HDHD2: variants seen among roughly 807,000 people sequenced by gnomAD.
HDHD2 encodes the protein haloacid dehalogenase like hydrolase domain containing 2.
A neutral mutation model predicts 24.8 loss-of-function variants in HDHD2; 26 were observed. The ratio of observed to expected loss-of-function variants is 1.05; its 90% CI spans 0.77 to 1.45. HDHD2 has a LOEUF of 1.45. Ranked by LOEUF, HDHD2 falls within the 40% of genes most tolerant of loss-of-function variation. The probability of loss-of-function intolerance (pLI) is 0.00; values close to 1 mark genes in which losing one functional copy is unlikely to be tolerated. For missense variants in HDHD2, 299 were observed against 313.4 expected, an observed-to-expected ratio of 0.95 and a Z score of 0.35; for synonymous variants, 128 against 114.9, an observed-to-expected ratio of 1.11 and a Z score of -0.73.
intron 5 of HDHD2, 116 bp downstream of exon 5, chr18:47,115,016 A>G: frequency 4.2e-6 from 3 of 711,372 alleles, no homozygotes; most frequent in South Asian, 3.5e-5. Context: ...CCATTTATAT[A>G]TATACTGTCC....
intron 3 of HDHD2, among the ~76,000 whole-genome samples, chr18:47,131,636 A>C (rs1461478351): frequency 6.6e-6 from 1 of 152,234 alleles, no homozygotes; most frequent in African/African-American, 2.4e-5. Context: ...ATTCAAAAGT[A>C]GTCATACACA....
chr18:47,126,349 T>G (rs1233074851), intron 4 of HDHD2, among the ~76,000 whole-genome samples: 2 of 152,184 alleles, frequency 1.3e-5, no homozygotes, highest in Non-Finnish European at 2.9e-5. Flanking sequence ...TTTCTTTCTT[T>G]TCTTCCCTTT....
chr18:47,137,171 G>A, intron 1 of HDHD2: 1 of 710,430 alleles, frequency 1.4e-6, no homozygotes, highest in Non-Finnish European at 2.6e-6. Context: ...TGAATGACAG[G>A]GATTGTCAAT....
At chr18:47,109,023 T>C (rs759334151) in intron 6 of HDHD2, 16 of 484,074 alleles carry the variant, frequency 3.3e-5, no homozygotes, top group Non-Finnish European at 5.8e-5. Context: ...CAGCCACAGG[T>C]ACTGGATCGT....
intron 1 of HDHD2, among the ~76,000 whole-genome samples, chr18:47,138,333 T>G (rs751128699): frequency 2.0e-5 from 3 of 152,180 alleles, no homozygotes; most frequent in Non-Finnish European, 4.4e-5. Context: ...GGATTCCTAC[T>G]TAAATGTTCA....
At chr18:47,114,591 C>T (rs1361810110) in intron 5 of HDHD2, among the ~76,000 whole-genome samples, 1 of 152,200 alleles carries the variant, frequency 6.6e-6, no homozygotes, top group Non-Finnish European at 1.5e-5. Context: ...CTCACGGCCA[C>T]AGGTGACCAG....
At chr18:47,149,542 T>C (rs964805291) in intron 1 of HDHD2, among the ~76,000 whole-genome samples, 19 of 152,110 alleles carry the variant, frequency 1.2e-4, no homozygotes, top group Non-Finnish European at 2.8e-4. Flanking sequence ...AACACATTTG[T>C]CTCTACTAGC....
Position 47,113,145 on chromosome 18 carries a change from GT to G in HDHD2, c.613-106del. The G allele has an allele frequency of 5.8e-6, 5 of 857,836 alleles. No individual in the cohort carries two copies. In the Admixed American group the frequency reaches 5.9e-5, roughly 10 times the overall value. The allele number at this position is 857,836 out of a possible 1,614,324, so 53.1% of individuals were successfully genotyped here. ...CTAGGGTGTCCAACTGTAATGCCAT[GT>G]TTTTTATTGAAATAGAAAAGAGAAG... On this transcript the variant is annotated intron_variant, in intron 5 of 6. Transcript: ENST00000300605.
At chr18:47,130,497 A>C (rs909577455) in intron 3 of HDHD2, among the ~76,000 whole-genome samples, 169 bp from the exon 4 acceptor site, 2 of 152,208 alleles carry the variant, frequency 1.3e-5, no homozygotes, top group Non-Finnish European at 2.9e-5. Context: ...AGTACACAGA[A>C]GGAGAGGGAG....
At chr18:47,137,306 A>AG in intron 1 of HDHD2, 1 of 420,698 alleles carries the variant, frequency 2.4e-6, no homozygotes. Flanking sequence ...TCTAGCGAAA[A>AG]GGGAACCTGC....
At chr18:47,134,862 T>C (rs1475428491) in intron 2 of HDHD2, among the ~76,000 whole-genome samples, 158 bp from the exon 3 acceptor site, 1 of 152,236 alleles carries the variant, frequency 6.6e-6, no homozygotes, top group Admixed American at 6.5e-5. Context: ...ACAGTTTACA[T>C]AGCTACTTAG....
chr18:47,143,411 C>T (rs1425417802), intron 1 of HDHD2, among the ~76,000 whole-genome samples: 1 of 152,170 alleles, frequency 6.6e-6, no homozygotes, highest in Non-Finnish European at 1.5e-5. Context: ...CAGGGCAACA[C>T]AGTGAGACTA....
intron 1 of HDHD2, among the ~76,000 whole-genome samples, chr18:47,148,052 T>C (rs1247934715): frequency 1.3e-5 from 2 of 150,600 alleles, no homozygotes; most frequent in Non-Finnish European, 3.0e-5. Context: ...GCAGTGGCAC[T>C]ATCTCTCAGC....
chr18:47,115,070 C>A (rs1347603742), intron 5 of HDHD2, 62 bp downstream of exon 5: 1 of 1,204,134 alleles, frequency 8.3e-7, no homozygotes, highest in African/African-American at 1.5e-5. Context: ...AGCAGTGTTT[C>A]TAAGCTGGCT....
chr18:47,140,662 G>A (rs1318615448), intron 1 of HDHD2, among the ~76,000 whole-genome samples: 2 of 152,062 alleles, frequency 1.3e-5, no homozygotes, highest in Non-Finnish European at 2.9e-5. Flanking sequence ...GTTTCCACAG[G>A]TGTGCACCAC....
intron 4 of HDHD2, among the ~76,000 whole-genome samples, chr18:47,128,188 CTAAT>C (rs1396263584): frequency 1.3e-5 from 2 of 152,168 alleles, no homozygotes; most frequent in Non-Finnish European, 2.9e-5. Flanking sequence ...GGAAAGTGTA[CTAAT>C]TAGACAGCAT....
At chr18:47,109,803 T>C (rs2063501253) in intron 6 of HDHD2, 1 of 191,450 alleles carries the variant, frequency 5.2e-6, no homozygotes, top group Admixed American at 6.5e-5. Context: ...CAATTTGTAA[T>C]TATGCATTTA....
In HDHD2 at chr18:47,130,303, A is replaced by G; in HGVS notation, c.336T>C (p.Ala112=). ...FKGIQTSDPN[A]VVMGLAPEHF... Reference sequence around the variant, plus strand: ...GTTCTGGTGCCAATCCCATGACCACAGCATTAGGATCACTTGTTTGTATTC... The same window carrying G: ...GTTCTGGTGCCAATCCCATGACCACGGCATTAGGATCACTTGTTTGTATTC... The change falls in exon 4 of 7, where the codon GCT becomes GCC. Residue 112 remains alanine (A), a synonymous_variant. Coordinates refer to ENST00000300605, the MANE Select transcript of HDHD2 (RefSeq NM_032124.5). The G allele has an allele frequency of 1.2e-6, 2 of 1,605,092 alleles. No individual in the cohort carries two copies. Among genetic ancestry groups the G allele is most frequent in the Non-Finnish European group, 1.7e-6 (2 of 1,174,896 alleles).
At chr18:47,148,134 G>A (rs2063891960) in intron 1 of HDHD2, among the ~76,000 whole-genome samples, 1 of 152,026 alleles carries the variant, frequency 6.6e-6, no homozygotes, top group Admixed American at 6.5e-5. Context: ...GGAACCACAG[G>A]TGTGCACCAC....
Sources: allele counts gnomAD v4.1 joint callset (sites outside exome capture counted in the v4.1 genomes callset), GRCh38; gene constraint gnomAD v4.1.1; transcripts MANE v1.5; gene names NCBI Gene and HGNC (gene_info 2026-07-23, HGNC 2026-07-21).